NFATC3: variants seen among roughly 807,000 people sequenced by gnomAD.
NFATC3 encodes nuclear factor of activated T-cells, cytoplasmic 3.
In NFATC3, 46 loss-of-function variants were observed where a neutral mutation model predicts 98.6. That is an observed-to-expected ratio of 0.47 (90% CI 0.37 to 0.60). The LOEUF is 0.60. Ranked by LOEUF, NFATC3 falls within the 20% of genes least tolerant of loss-of-function variation. The pLI is 0.00. For synonymous variants in NFATC3, 512 were observed against 472.2 expected (o/e 1.08, Z -1.09); for missense variants, 1,256 against 1,295.5 (o/e 0.97, Z 0.47).
At chr16:68,209,949 C>T (rs1227909710) in intron 9 of NFATC3, among the ~76,000 whole-genome samples, 2 of 150,542 alleles carry the variant, frequency 1.3e-5, no homozygotes, top group African/African-American at 2.5e-5. Flanking sequence ...GCAGATTGCT[C>T]GAGCCCAAGA....
intron 1 of NFATC3, 156 bp downstream of exon 1, chr16:68,085,940 C>T: frequency 3.7e-6 from 2 of 536,544 alleles, no homozygotes; most frequent in Non-Finnish European, 6.1e-6. Context: ...GGATTTAAAT[C>T]GCTGAGGAGG....
intron 3 of NFATC3, among the ~76,000 whole-genome samples, chr16:68,156,551 A>C (rs1429607837): frequency 2.0e-5 from 3 of 152,232 alleles, no homozygotes; most frequent in Non-Finnish European, 2.9e-5. Context: ...TGTGTAATTT[A>C]CTACATTAGT....
chr16:68,111,005 T>G (rs528444986), intron 1 of NFATC3, among the ~76,000 whole-genome samples: 1 of 152,370 alleles, frequency 6.6e-6, no homozygotes, highest in South Asian at 2.1e-4. Flanking sequence ...TTGATTGCGC[T>G]GTGGTCTGAG....
At chr16:68,223,271 C>T (rs1375168428) in intron 9 of NFATC3, among the ~76,000 whole-genome samples, 1 of 152,180 alleles carries the variant, frequency 6.6e-6, no homozygotes, top group Non-Finnish European at 1.5e-5. Flanking sequence ...CACAATGGCT[C>T]ATGCCTGTAA....
intron 6 of NFATC3, among the ~76,000 whole-genome samples, chr16:68,180,443 A>G (rs1047097382): frequency 1.3e-5 from 2 of 152,138 alleles, no homozygotes; most frequent in Non-Finnish European, 2.9e-5. Flanking sequence ...TGTACAAGCA[A>G]AAGTTGGCCA....
At chr16:68,211,904 A>G (rs1598609743) in intron 9 of NFATC3, among the ~76,000 whole-genome samples, 2 of 152,346 alleles carry the variant, frequency 1.3e-5, no homozygotes, top group Middle Eastern at 6.8e-3. Flanking sequence ...AAGTGCTTCA[A>G]GGAACTAGAA....
At chr16:68,212,357 G>A (rs2041443947) in intron 9 of NFATC3, 1 of 152,124 alleles carries the variant, frequency 6.6e-6, no homozygotes, top group African/African-American at 2.4e-5. Flanking sequence ...CTGCTTAAAA[G>A]GAAGGTATTA....
intron 1 of NFATC3, among the ~76,000 whole-genome samples, chr16:68,116,499 A>C (rs1392737153): frequency 2.6e-5 from 4 of 152,186 alleles, no homozygotes; most frequent in African/African-American, 9.7e-5. Flanking sequence ...AGCACCTTGA[A>C]TTTGAGAATT....
At chr16:68,093,586 T>A (rs148178355) in intron 1 of NFATC3, among the ~76,000 whole-genome samples, 1 of 152,292 alleles carries the variant, frequency 6.6e-6, no homozygotes, top group Non-Finnish European at 1.5e-5. Context: ...TTTGTAACTT[T>A]TTGTTTGTGA....
At chr16:68,189,925 C>T (rs929787490) in intron 8 of NFATC3, among the ~76,000 whole-genome samples, 5 of 152,102 alleles carry the variant, frequency 3.3e-5, no homozygotes, top group South Asian at 2.1e-4. Context: ...AGCATGGTGG[C>T]GCACGCCTGT....
At chr16:68,085,894 G>T in intron 1 of NFATC3, 110 bp downstream of exon 1, 1 of 787,908 alleles carries the variant, frequency 1.3e-6, no homozygotes, top group Non-Finnish European at 1.8e-6. Context: ...CCCTGTGTGT[G>T]TGTGTGCGCG....
intron 3 of NFATC3, among the ~76,000 whole-genome samples, chr16:68,134,713 G>T (rs1335979152): frequency 1.3e-5 from 2 of 152,040 alleles, no homozygotes; most frequent in South Asian, 2.1e-4. Flanking sequence ...GGGTTTTTTT[G>T]GGGGGATGGG....
intron 1 of NFATC3, chr16:68,086,030 C>G: frequency 2.5e-6 from 1 of 406,778 alleles, no homozygotes; most frequent in Non-Finnish European, 4.4e-6. Context: ...CCGGGACGAT[C>G]GGGGTTTGGA....
intron 3 of NFATC3, among the ~76,000 whole-genome samples, chr16:68,148,694 T>C (rs1022741709): frequency 2.0e-5 from 3 of 151,962 alleles, no homozygotes; most frequent in African/African-American, 4.8e-5. Context: ...AACAAGAAGA[T>C]TGGATAAAAA....
intron 9 of NFATC3, among the ~76,000 whole-genome samples, chr16:68,212,104 G>A (rs2041430866): frequency 6.6e-6 from 1 of 152,326 alleles, no homozygotes; most frequent in Middle Eastern, 3.4e-3. Context: ...GGAGGATTCA[G>A]TTGTGGAGAT....
intron 1 of NFATC3, among the ~76,000 whole-genome samples, chr16:68,098,950 C>T (rs550997213): frequency 6.6e-6 from 1 of 152,266 alleles, no homozygotes; most frequent in Admixed American, 6.5e-5. Context: ...ACCCTTTACT[C>T]AGTTTCTCCC....
intron 5 of NFATC3, among the ~76,000 whole-genome samples, chr16:68,171,193 G>C (rs2039442684): frequency 6.6e-6 from 1 of 151,784 alleles, no homozygotes. Flanking sequence ...TTTTTCAATA[G>C]AGATGGGGTT....
chr16:68,191,853 C>G, intron 9 of NFATC3, 78 bp downstream of exon 9: 2 of 1,454,914 alleles, frequency 1.4e-6, no homozygotes, highest in Non-Finnish European at 9.5e-7. Flanking sequence ...GAAAAAGTTT[C>G]TATGGATTGC....
At chr16:68,159,894 A>G (rs556664981) in intron 4 of NFATC3, among the ~76,000 whole-genome samples, 2 of 151,406 alleles carry the variant, frequency 1.3e-5, no homozygotes, top group South Asian at 4.2e-4. Context: ...CCTGGCCAAC[A>G]TGGTGAAACC....
Sources: allele counts gnomAD v4.1 joint callset (sites outside exome capture counted in the v4.1 genomes callset), GRCh38; gene constraint gnomAD v4.1.1; transcripts MANE v1.5; gene names NCBI Gene and HGNC (gene_info 2026-07-23, HGNC 2026-07-21).